The following NAT1 variants were observed in gnomAD, a reference collection of about 807,000 sequenced individuals.
NAT1 encodes N-acetyltransferase 1, also known as arylamine N-acetyltransferase 1.
For missense variants in NAT1, 400 were observed against 339.2 expected (o/e 1.18, Z -1.41); for synonymous variants, 144 against 122.6 (o/e 1.17, Z -1.16).
intron 2 of NAT1, among the ~76,000 whole-genome samples, chr8:18,198,635 T>G (rs1803334518): frequency 6.6e-6 from 1 of 152,236 alleles, no homozygotes; most frequent in Non-Finnish European, 1.5e-5. Context: ...AGTACTGAAG[T>G]ATAATTGACA....
intron 2 of NAT1, among the ~76,000 whole-genome samples, chr8:18,191,926 TG>T (rs1408055487): frequency 2.6e-5 from 4 of 152,136 alleles, no homozygotes; most frequent in Non-Finnish European, 5.9e-5. Flanking sequence ...GACATAGGCA[TG>T]GGCAAGGACT....
At chr8:18,196,213 G>T (rs1803226672) in intron 2 of NAT1, among the ~76,000 whole-genome samples, 2 of 151,790 alleles carry the variant, frequency 1.3e-5, no homozygotes, top group Non-Finnish European at 1.5e-5. Flanking sequence ...GACCTCCAAA[G>T]TGCTAGGATT....
At chr8:18,199,693 G>A (rs958664978) in intron 2 of NAT1, among the ~76,000 whole-genome samples, 4 of 152,142 alleles carry the variant, frequency 2.6e-5, no homozygotes, top group African/African-American at 9.7e-5. Flanking sequence ...AGTGTGTGAT[G>A]GCTGATAAGT....
At chr8:18,201,904 C>T (rs7819357) in intron 2 of NAT1, among the ~76,000 whole-genome samples, 8,850 of 152,234 alleles carry the variant, frequency 0.058, 861 homozygotes, top group African/African-American at 0.2. Flanking sequence ...AAGGACTCCA[C>T]CTTGAAGTCA....
chr8:18,204,186 G>A (rs111262266), intron 2 of NAT1, among the ~76,000 whole-genome samples: 3 of 144,376 alleles, frequency 2.1e-5, no homozygotes, highest in African/African-American at 8.5e-5. Context: ...TCTCTCTCTC[G>A]CAAAGAGCTG....
At chr8:18,212,870 A>G (rs1290405881) in intron 1 of NAT1, 1 of 150,732 alleles carries the variant, frequency 6.6e-6, no homozygotes, top group African/African-American at 2.4e-5. Flanking sequence ...AGCAGGCTCT[A>G]TTTTATGCCC....
intron 2 of NAT1, among the ~76,000 whole-genome samples, chr8:18,190,938 A>C (rs1199712606): frequency 6.6e-6 from 1 of 151,972 alleles, no homozygotes; most frequent in African/African-American, 2.4e-5. Context: ...GTGGTGGCAC[A>C]TGCCTGTAAT....
intron 2 of NAT1, among the ~76,000 whole-genome samples, chr8:18,190,152 T>C (rs1054446109): frequency 2.0e-5 from 3 of 152,206 alleles, no homozygotes; most frequent in Non-Finnish European, 2.9e-5. Context: ...TATAAGAACC[T>C]GATGAGTGAG....
chr8:18,199,997 A>T (rs1803396086), intron 2 of NAT1, among the ~76,000 whole-genome samples: 1 of 152,264 alleles, frequency 6.6e-6, no homozygotes, highest in African/African-American at 2.4e-5. Context: ...GGCTAATATT[A>T]AAATGTCAAA....
intron 2 of NAT1, among the ~76,000 whole-genome samples, chr8:18,172,718 G>C (rs1026056044): frequency 6.6e-6 from 1 of 152,110 alleles, no homozygotes; most frequent in Non-Finnish European, 1.5e-5. Context: ...AAAGATTATA[G>C]CTTATTAATC....
chr8:18,199,478 C>T (rs184029782), intron 2 of NAT1, among the ~76,000 whole-genome samples: 250 of 152,140 alleles, frequency 1.6e-3, no homozygotes, highest in African/African-American at 5.5e-3. Flanking sequence ...CGTCTAGAGA[C>T]CCTGAGACCC....
chr8:18,194,902 G>C (rs1005299679), intron 2 of NAT1, among the ~76,000 whole-genome samples: 5 of 152,104 alleles, frequency 3.3e-5, no homozygotes, highest in African/African-American at 9.7e-5. Context: ...TTCTCTCCCA[G>C]CTAAGGAGCT....
intron 2 of NAT1, among the ~76,000 whole-genome samples, chr8:18,172,146 G>A (rs1361275258): frequency 6.6e-6 from 1 of 152,168 alleles, no homozygotes; most frequent in Non-Finnish European, 1.5e-5. Flanking sequence ...CACTTGTGTT[G>A]ATTTATAAGA....
intron 2 of NAT1, among the ~76,000 whole-genome samples, chr8:18,204,339 A>G (rs1470076451): frequency 6.6e-6 from 1 of 152,164 alleles, no homozygotes; most frequent in Non-Finnish European, 1.5e-5. Context: ...TTGGGTGTAC[A>G]TGGGTACTTG....
chr8:18,189,009 A>AAAAAAAAAAAAAAG (rs1329509282), intron 2 of NAT1, among the ~76,000 whole-genome samples: 5 of 149,136 alleles, frequency 3.4e-5, no homozygotes, highest in South Asian at 2.1e-4. Flanking sequence ...AAAAAAAAAA[A>AAAAAAAAAAAAAAG]AAAGAAAGAA....
chr8:18,177,961 G>C (rs1400586766), intron 2 of NAT1, among the ~76,000 whole-genome samples: 2 of 152,086 alleles, frequency 1.3e-5, no homozygotes, highest in African/African-American at 4.8e-5. Context: ...TTAAGATTCA[G>C]TGAGAAACAG....
At chr8:18,217,481 G>A (rs554771499) in intron 1 of NAT1, among the ~76,000 whole-genome samples, 4 of 152,336 alleles carry the variant, frequency 2.6e-5, no homozygotes, top group African/African-American at 7.2e-5. Context: ...CATACTGAAC[G>A]AGTGTTGAGC....
intron 2 of NAT1, among the ~76,000 whole-genome samples, chr8:18,184,947 A>G (rs1034596819): frequency 3.9e-5 from 6 of 152,164 alleles, no homozygotes; most frequent in African/African-American, 1.4e-4. Flanking sequence ...GCTTATCTCA[A>G]ATTCCTGGAA....
intron 1 of NAT1, among the ~76,000 whole-genome samples, chr8:18,215,857 C>T (rs903019072): frequency 7.2e-5 from 11 of 152,002 alleles, no homozygotes; most frequent in African/African-American, 2.2e-4. Context: ...AGGAAAATGA[C>T]GAGACGAGTC....
Sources: allele counts gnomAD v4.1 joint callset (sites outside exome capture counted in the v4.1 genomes callset), GRCh38; gene constraint gnomAD v4.1.1; transcripts MANE v1.5; gene names NCBI Gene and HGNC (gene_info 2026-07-23, HGNC 2026-07-21).